Variants in CHLSN observed in about 807,000 individuals in gnomAD.
The protein encoded by CHLSN is cholesin.
the CHLSN span, among the ~76,000 whole-genome samples, chr7:1,095,839 G>A: frequency 2.6e-5 from 4 of 152,368 alleles, no homozygotes; most frequent in African/African-American, 9.6e-5. Flanking sequence ...GCAAAAGCAC[G>A]CCATGCAGAA....
At chr7:985,065 G>A in the CHLSN span, 7 of 1,612,428 alleles carry the variant, frequency 4.3e-6, no homozygotes, top group African/African-American at 6.7e-5. Context: ...TGCAGGAGCT[G>A]AAATGCCTCT....
the CHLSN span, chr7:1,055,334 C>T: frequency 4.2e-6 from 2 of 471,122 alleles, no homozygotes; most frequent in Admixed American, 2.3e-5. Context: ...CGGCCAGGCG[C>T]GCTGCTGATA....
chr7:984,941 T>G, the CHLSN span: 2 of 1,590,438 alleles, frequency 1.3e-6, no homozygotes, highest in African/African-American at 2.7e-5. Context: ...GCACTGTATC[T>G]GCCTACAGGC....
chr7:1,009,697 C>A, the CHLSN span, among the ~76,000 whole-genome samples: 1 of 152,238 alleles, frequency 6.6e-6, no homozygotes, highest in Non-Finnish European at 1.5e-5. Flanking sequence ...CACCATCAGA[C>A]CCATTTCTAA....
chr7:1,010,483 G>C, the CHLSN span, among the ~76,000 whole-genome samples: 6 of 152,324 alleles, frequency 3.9e-5, no homozygotes, highest in Non-Finnish European at 7.4e-5. Flanking sequence ...GGGAAGATCC[G>C]GGCCGGCCCC....
chr7:1,107,815 A>G, the CHLSN span, among the ~76,000 whole-genome samples: 68 of 120,624 alleles, frequency 5.6e-4, no homozygotes, highest in South Asian at 1.7e-3. Flanking sequence ...GAAGCAGAGG[A>G]GGGCTGTGTC....
chr7:1,014,294 T>C, the CHLSN span, among the ~76,000 whole-genome samples: 1 of 152,230 alleles, frequency 6.6e-6, no homozygotes. Context: ...AAAATACAAC[T>C]GCATGAAAAC....
At chr7:1,124,682 G>T in the CHLSN span, among the ~76,000 whole-genome samples, 1 of 150,270 alleles carries the variant, frequency 6.7e-6, no homozygotes, top group African/African-American at 2.5e-5. Context: ...CCTGCACAAT[G>T]TGCACATGTA....
chr7:1,028,313 C>A, the CHLSN span: 4 of 1,040,456 alleles, frequency 3.8e-6, no homozygotes, highest in Non-Finnish European at 4.6e-6. Context: ...CAGGGATGCG[C>A]CCGCAGTGCG....
chr7:987,144 C>T, the CHLSN span: 55 of 1,573,428 alleles, frequency 3.5e-5, no homozygotes, highest in African/African-American at 3.8e-4. Flanking sequence ...GAGGCCAACG[C>T]GGTGGCCTGC....
chr7:1,065,924 G>C, the CHLSN span, among the ~76,000 whole-genome samples: 1 of 152,216 alleles, frequency 6.6e-6, no homozygotes, highest in South Asian at 2.1e-4. Context: ...GGCAGGCTCG[G>C]TTCTGGAGCT....
chr7:1,065,654 G>C, the CHLSN span, among the ~76,000 whole-genome samples: 622 of 152,324 alleles, frequency 4.1e-3, 2 homozygotes, highest in Middle Eastern at 0.017. Context: ...CCGGGTCTGG[G>C]AGGGCGTGGG....
chr7:1,067,373 G>C, the CHLSN span, among the ~76,000 whole-genome samples: 1 of 35,730 alleles, frequency 2.8e-5, no homozygotes, highest in Non-Finnish European at 5.9e-5. Context: ...GCACCCCAGA[G>C]GTGAGGGTTT....
At chr7:981,776 C>T in the CHLSN span, among the ~76,000 whole-genome samples, 3 of 152,046 alleles carry the variant, frequency 2.0e-5, no homozygotes, top group Non-Finnish European at 2.9e-5. Context: ...ACCTGCAATC[C>T]CAACACTTTG....
chr7:1,053,439 T>C, the CHLSN span, among the ~76,000 whole-genome samples: 5 of 152,336 alleles, frequency 3.3e-5, no homozygotes, highest in East Asian at 3.9e-4. Flanking sequence ...ACGAGTCTCC[T>C]GTGACCAGGA....
chr7:1,125,685 G>T, the CHLSN span, among the ~76,000 whole-genome samples: 88 of 152,352 alleles, frequency 5.8e-4, no homozygotes, highest in African/African-American at 2.1e-3. Flanking sequence ...TCTGACATGA[G>T]AACAGGAACA....
chr7:1,082,318 CCT>C, the CHLSN span: 2 of 152,290 alleles, frequency 1.3e-5, no homozygotes, highest in African/African-American at 4.8e-5. Context: ...TCCGCGGCGC[CCT>C]GTGTGCCTGG....
the CHLSN span, among the ~76,000 whole-genome samples, chr7:995,663 G>T: frequency 2.6e-5 from 4 of 152,266 alleles, no homozygotes; most frequent in Non-Finnish European, 1.5e-5. Context: ...TCTCTGCAAA[G>T]CTGTGCTGCC....
chr7:1,014,695 G>A, the CHLSN span, among the ~76,000 whole-genome samples: 1 of 152,276 alleles, frequency 6.6e-6, no homozygotes, highest in Non-Finnish European at 1.5e-5. Context: ...CCCTGGACTG[G>A]ACACCAATCT....
Sources: allele counts gnomAD v4.1 joint callset (sites outside exome capture counted in the v4.1 genomes callset), GRCh38; gene constraint gnomAD v4.1.1; transcripts MANE v1.5; gene names NCBI Gene and HGNC (gene_info 2026-07-23, HGNC 2026-07-21).